SCN8A: variants seen among roughly 807,000 people sequenced by gnomAD.
SCN8A encodes the protein sodium voltage-gated channel alpha subunit 8, also known as sodium channel protein type 8 subunit alpha.
Under a neutral mutation model 184.1 loss-of-function variants are expected in SCN8A, and 30 were observed. The observed-to-expected ratio is 0.16, with a 90% CI of 0.12 to 0.22. SCN8A has a LOEUF of 0.22. SCN8A is among the 10% of genes least tolerant of loss of function. SCN8A has a pLI of 1.00. For missense variants in SCN8A, 1,057 were observed against 2,498.9 expected (o/e 0.42, Z 12.30); for synonymous variants, 852 against 907.0 (o/e 0.94, Z 1.09).
In SCN8A at chr12:51,811,695, T is replaced by A. The variant is rs933631487; in HGVS notation, c.*4266T>A. 1.3e-5 allele frequency: 2 copies of A among 152,114 alleles called. No individual in the cohort carries two copies. Among genetic ancestry groups the A allele is most frequent in the African/African-American group, 4.9e-5 (2 of 41,220 alleles). The allele number at this position is 152,114 out of a possible 1,614,324, so 9.4% of individuals were successfully genotyped here. A position where few individuals can be genotyped will look rare whatever the true frequency, so the allele number is the denominator to read the frequency against. Reference sequence around the variant, plus strand: ...TCTAGGCCTAGGCCATGTCTCCTGGTTCAGGAACACTCTCTCAGGAGGATC... The same window carrying A: ...TCTAGGCCTAGGCCATGTCTCCTGGATCAGGAACACTCTCTCAGGAGGATC... On this transcript the variant is annotated 3_prime_UTR_variant, in exon 27 of 27. Coordinates refer to ENST00000627620, the MANE Select transcript of SCN8A (RefSeq NM_001330260.2).
chr12:51,781,170 C>T (rs1451010284), intron 21 of SCN8A, among the ~76,000 whole-genome samples: 4 of 152,086 alleles, frequency 2.6e-5, no homozygotes, highest in Non-Finnish European at 4.4e-5. Flanking sequence ...TGTGTAGGGG[C>T]ATCAGCCAGG....
rs56764080 is a variant in SCN8A at position 51,684,554 on chromosome 12, T to C, written c.395+262T>C. On this transcript the variant is annotated intron_variant, in intron 3 of 26. Transcript: ENST00000627620. ...TGTATGGACAAATTAAAATAACCTT[T>C]GTTGAAGTCTTAACTTTATTTAGTA... is the stretch of plus-strand genomic sequence containing the variant. 0.059 allele frequency among the ~76,000 whole-genome samples: 8,985 copies of C among 152,268 alleles called. 388 individuals are homozygous for C. The highest frequency in any genetic ancestry group is 0.13 in the East Asian group (694 of 5,174).
intron 6 of SCN8A, among the ~76,000 whole-genome samples, chr12:51,698,633 C>T (rs1022456685): frequency 6.6e-6 from 1 of 152,190 alleles, no homozygotes; most frequent in Non-Finnish European, 1.5e-5. Flanking sequence ...AGAAATACAC[C>T]TTCAGTCTAC....
intron 1 of SCN8A, among the ~76,000 whole-genome samples, chr12:51,621,291 A>G (rs1211698320): frequency 6.6e-6 from 1 of 152,206 alleles, no homozygotes; most frequent in African/African-American, 2.4e-5. Flanking sequence ...AACTTAGGTC[A>G]CTTGGGTCTG....
chr12:51,733,356 T>C (rs1942274251), intron 12 of SCN8A, among the ~76,000 whole-genome samples: 2 of 152,236 alleles, frequency 1.3e-5, no homozygotes, highest in Admixed American at 6.5e-5. Flanking sequence ...TGTATCACAC[T>C]GATTGATTTG....
chr12:51,752,494 A>G (rs1250032805), intron 14 of SCN8A, among the ~76,000 whole-genome samples: 1 of 152,140 alleles, frequency 6.6e-6, no homozygotes, highest in African/African-American at 2.4e-5. Flanking sequence ...GCACTACAAT[A>G]TCATTTTCAT....
At chr12:51,620,435 A>G (rs1012255492) in intron 1 of SCN8A, among the ~76,000 whole-genome samples, 2 of 152,162 alleles carry the variant, frequency 1.3e-5, no homozygotes, top group African/African-American at 2.4e-5. Context: ...TTGTTAAGTA[A>G]TAAAACAGGT....
chr12:51,789,195 A>G, intron 23 of SCN8A, 86 bp from the exon 24 acceptor site: 1 of 1,443,212 alleles, frequency 6.9e-7, no homozygotes, highest in Non-Finnish European at 9.5e-7. Flanking sequence ...AGCAGCTCAA[A>G]TGGTCACAGT....
At chr12:51,742,587 G>GT (rs34185901) in intron 12 of SCN8A, among the ~76,000 whole-genome samples, 112,415 of 147,376 alleles carry the variant, frequency 0.76, 44,844 homozygotes, top group East Asian at 0.89. Flanking sequence ...TCCATTGTAT[G>GT]TTTTTTTTTT....
At chr12:51,677,048 ATTG>A (rs1455856550) in intron 2 of SCN8A, among the ~76,000 whole-genome samples, 1 of 141,346 alleles carries the variant, frequency 7.1e-6, no homozygotes, top group African/African-American at 2.7e-5. Flanking sequence ...TGCATCCTTT[ATTG>A]TTTTGTTTTA....
At chr12:51,677,258 T>C (rs963259404) in intron 2 of SCN8A, among the ~76,000 whole-genome samples, 12 of 151,888 alleles carry the variant, frequency 7.9e-5, no homozygotes, top group African/African-American at 2.9e-4. Context: ...CAAATTTTTT[T>C]TATTTTTTTT....
At chr12:51,601,450 T>C (rs1485424525) in intron 1 of SCN8A, among the ~76,000 whole-genome samples, 2 of 151,882 alleles carry the variant, frequency 1.3e-5, no homozygotes, top group Non-Finnish European at 2.9e-5. Context: ...CCTTTTTTTT[T>C]TTTTTCCTGA....
Position 51,806,978 on chromosome 12 carries a change from C to G in SCN8A, c.5492C>G (p.Ala1831Gly). 1 of 1,614,020 alleles carries G rather than the reference C, an allele frequency of 6.2e-7. No individual in the cohort carries two copies. Residue 1831 changes from alanine to glycine, a missense_variant, in exon 27 of 27, where the codon GCT (alanine) becomes GGT (glycine). By Grantham distance (60) the Ala-to-Gly change is moderately conservative (BLOSUM62 0). Coordinates refer to ENST00000627620, the MANE Select transcript of SCN8A (RefSeq NM_001330260.2). The surrounding 1 kb of genome is among the most constrained non-coding windows in gnomAD (Gnocchi z 8.7). ...AAGCCCAATACCATTGAGCTCATCG[C>G]TATGGATCTGCCAATGGTGAGCGGG... ...VPKPNTIELI[A>G]MDLPMVSGDR...
chr12:51,723,680 A>C (rs1318546821), intron 12 of SCN8A, among the ~76,000 whole-genome samples: 1 of 152,162 alleles, frequency 6.6e-6, no homozygotes, highest in African/African-American at 2.4e-5. Context: ...GTTCGAGACA[A>C]GCCTGGCCAA....
At chr12:51,743,018 A>C (rs1005189927) in intron 12 of SCN8A, among the ~76,000 whole-genome samples, 1 of 152,148 alleles carries the variant, frequency 6.6e-6, no homozygotes, top group African/African-American at 2.4e-5. Flanking sequence ...TTTAGTATTC[A>C]GTTGCATTTT....
intron 20 of SCN8A, among the ~76,000 whole-genome samples, chr12:51,775,775 G>C (rs770135067): frequency 6.6e-6 from 1 of 152,306 alleles, no homozygotes; most frequent in South Asian, 2.1e-4. Context: ...ACTACCTGGC[G>C]TCAGGTGGGA....
intron 19 of SCN8A, among the ~76,000 whole-genome samples, chr12:51,772,533 C>G (rs1317146120): frequency 6.6e-6 from 1 of 151,992 alleles, no homozygotes; most frequent in African/African-American, 2.4e-5. Context: ...ATCTCACATA[C>G]CTTGGATTAT....
chr12:51,756,910 G>A (rs1942684314), intron 14 of SCN8A, among the ~76,000 whole-genome samples: 1 of 152,188 alleles, frequency 6.6e-6, no homozygotes, highest in Non-Finnish European at 1.5e-5. Context: ...AAGCAAAAAA[G>A]CAGAAAGTTA....
intron 1 of SCN8A, among the ~76,000 whole-genome samples, chr12:51,629,340 G>A (rs1355721339): frequency 1.3e-5 from 2 of 152,234 alleles, no homozygotes; most frequent in Non-Finnish European, 2.9e-5. Flanking sequence ...ATTCTTCCTT[G>A]TGGGGCTGTT....
Sources: gnomAD v4.1 joint callset for allele counts (sites outside exome capture counted in the v4.1 genomes callset) on GRCh38, gnomAD v4.1.1 for gene constraint, Gnocchi (gnomAD v3.1) non-coding constraint, MANE v1.5 for transcripts, NCBI Gene and HGNC (gene_info 2026-07-23, HGNC 2026-07-21) for gene names.